Variants in HNRNPA2B1 observed in about 807,000 individuals in gnomAD.
HNRNPA2B1 encodes the protein heterogeneous nuclear ribonucleoprotein A2/B1.
A neutral mutation model predicts 46.3 loss-of-function variants in HNRNPA2B1; 3 were observed. That is an observed-to-expected ratio of 0.06 (90% confidence interval 0.03 to 0.17). HNRNPA2B1 has a LOEUF of 0.17. HNRNPA2B1 is among the 10% of genes least tolerant of loss of function. HNRNPA2B1 has a pLI of 1.00. For missense variants in HNRNPA2B1, 221 were observed against 418.9 expected (o/e 0.53, Z 4.12); for synonymous variants, 225 against 133.8 (o/e 1.68, Z -4.70).
At position 26,195,724 on chromosome 7, in the gene HNRNPA2B1, C is replaced by A. The variant is rs17796710; in HGVS notation, c.721+123G>T. The A allele has an allele frequency of 0.082, 88,613 of 1,077,822 alleles. 4,397 individuals are homozygous for A. The highest frequency in any genetic ancestry group is 0.19 in the South Asian group (11,624 of 60,352). The allele number at this position is 1,077,822 out of a possible 1,614,324, so 66.8% of individuals were successfully genotyped here. A position where few individuals can be genotyped will look rare whatever the true frequency, so the allele number is the denominator to read the frequency against. On this transcript the variant is annotated intron_variant, in intron 7 of 10. Coordinates refer to ENST00000618183, the MANE Select transcript of HNRNPA2B1 (RefSeq NM_002137.4). ...TACTTAGAAATAACTGGACCACTAT[C>A]ACCCAAGCCATTTATAGACACTAAT...
chr7:26,196,485 C>T lies in HNRNPA2B1; in HGVS notation c.578-4G>A. ...GAATCCCCAAAGCCAAAGTTGCCTA[C>T]AATAAATGCCCCAGTTAGAAGCAAG... On this transcript the variant is annotated splice_region_variant and splice_polypyrimidine_tract_variant and intron_variant, in intron 5 of 10. Coordinates refer to ENST00000618183, the MANE Select transcript of HNRNPA2B1 (RefSeq NM_002137.4). 6.2e-7 allele frequency: 1 copy of T among 1,614,080 alleles called. No homozygotes were observed. Among genetic ancestry groups the T allele is most frequent in the South Asian group, 1.1e-5 (1 of 91,080 alleles).
intron 1 of HNRNPA2B1, chr7:26,199,974 A>C (rs1411065984): frequency 6.5e-6 from 1 of 154,564 alleles, no homozygotes; most frequent in Non-Finnish European, 1.4e-5. Context: ...GACTCTAAAG[A>C]TCCAAGCTCA....
At chr7:26,198,019 ATTAT>A in intron 1 of HNRNPA2B1, 1 of 414,638 alleles carries the variant, frequency 2.4e-6, no homozygotes. Context: ...ATTATCTTAA[ATTAT>A]TAATTAAAAA....
At chr7:26,199,539 T>C (rs1047535106) in intron 1 of HNRNPA2B1, 2 of 152,230 alleles carry the variant, frequency 1.3e-5, no homozygotes, top group Non-Finnish European at 2.9e-5. Flanking sequence ...AGGGTTAAAC[T>C]TCTCAGTAAC....
chr7:26,200,637 G>A lies in HNRNPA2B1; in HGVS notation c.-60C>T, dbSNP rs1784328718. 1.2e-6 allele frequency: 2 copies of A among 1,611,480 alleles called. No individual in the cohort carries two copies. The highest frequency in any genetic ancestry group is 2.2e-5 in the East Asian group (1 of 44,874). ...GCCGAGCGAGATGAGAGAGATCTCC[G>A]CGGACGAACACGAACCGGACTCGTC... is the stretch of plus-strand genomic sequence containing the variant. On this transcript the variant is annotated 5_prime_UTR_variant, in exon 1 of 11. Transcript: ENST00000618183.
chr7:26,193,349 T>C lies in HNRNPA2B1; in HGVS notation c.866A>G (p.Asn289Ser), dbSNP rs911715553. The C allele has an allele frequency of 6.2e-6, 10 of 1,611,810 alleles. No individual in the cohort carries two copies. The Admixed American group carries it at 6.7e-5, about 11-fold the overall frequency. Residue 289 changes from asparagine to serine, a missense_variant, in exon 9 of 11, where the codon AAT becomes AGT. By Grantham distance (46) the Asn-to-Ser change is conservative. Transcript: ENST00000618183. ...TTGCTGGTTATAATTTCCAAAATCA[T>C]TGTAATTTCCACTTCCATAATTTCC... Reference protein sequence around the residue: ...GGGNYGSGNYNDFGNYNQQPS... With the variant: ...GGGNYGSGNYSDFGNYNQQPS...
At chr7:26,195,736 T>C in intron 7 of HNRNPA2B1, 111 bp downstream of exon 7, 1 of 1,231,480 alleles carries the variant, frequency 8.1e-7, no homozygotes, top group South Asian at 1.5e-5. Context: ...CCCAAGCCAT[T>C]TATAGACACT....
chr7:26,200,651 A>T lies in HNRNPA2B1; in HGVS notation c.-74T>A, dbSNP rs1784330175. On this transcript the variant is annotated 5_prime_UTR_variant, in exon 1 of 11. Coordinates refer to ENST00000618183, the MANE Select transcript of HNRNPA2B1 (RefSeq NM_002137.4). ...GAGAGATCTCCGCGGACGAACACGA[A>T]CCGGACTCGTCCTGGCGCTGTAGTG... 6.3e-7 allele frequency: 1 copy of T among 1,595,844 alleles called. No homozygotes were observed. The highest frequency in any genetic ancestry group is 8.6e-7 in the Non-Finnish European group (1 of 1,165,518).
intron 1 of HNRNPA2B1, chr7:26,200,328 T>C (rs967579064): frequency 1.8e-6 from 1 of 566,308 alleles, no homozygotes; most frequent in African/African-American, 1.9e-5. Flanking sequence ...GCGTCCGCCA[T>C]GTGAAAGCTC....
In HNRNPA2B1 at chr7:26,193,116, CT is replaced by C. The variant is rs1783100889; in HGVS notation, c.964+134del. ...TTCTGTGGAGATTTATGCAAAATTT[CT>C]TTATTTTCACTAAGACCGTACATGG... On this transcript the variant is annotated intron_variant, in intron 9 of 10. Coordinates refer to ENST00000618183, the MANE Select transcript of HNRNPA2B1 (RefSeq NM_002137.4). The C allele has an allele frequency of 3.6e-6, 3 of 830,514 alleles. No individual in the cohort carries two copies. The South Asian group carries it at 6.3e-5, about 18-fold the overall frequency. The allele number at this position is 830,514 out of a possible 1,614,324, so 51.4% of individuals were successfully genotyped here.
At chr7:26,198,705 G>A (rs1005929723) in intron 1 of HNRNPA2B1, 2 of 152,224 alleles carry the variant, frequency 1.3e-5, no homozygotes, top group Admixed American at 6.5e-5. Context: ...AAGGAAACCT[G>A]TCTTAAAAGT....
At position 26,191,954 on chromosome 7, in the gene HNRNPA2B1, C is replaced by T. The variant is rs969308297; in HGVS notation, c.*406G>A. 6.5e-6 allele frequency: 1 copy of T among 152,756 alleles called. No individual in the cohort carries two copies. The highest frequency in any genetic ancestry group is 3.4e-3 in the Middle Eastern group (1 of 294). The allele number at this position is 152,756 out of a possible 1,614,324, so 9.5% of individuals were successfully genotyped here. A position where few individuals can be genotyped will look rare whatever the true frequency, so the allele number is the denominator to read the frequency against. On this transcript the variant is annotated 3_prime_UTR_variant, in exon 11 of 11. Coordinates refer to ENST00000618183, the MANE Select transcript of HNRNPA2B1 (RefSeq NM_002137.4). ...ACGTTATGTCTTATTACACCATGAT[C>T]CTGGCTAATAGCTTTTCAAAACTTT...
At position 26,191,683 on chromosome 7, in the gene HNRNPA2B1, CTTAAG is replaced by C. The variant is rs1170653424; in HGVS notation, c.*672_*676del. 2.0e-5 allele frequency: 3 copies of C among 152,196 alleles called. No individual in the cohort carries two copies. The highest frequency in any genetic ancestry group is 4.4e-5 in the Non-Finnish European group (3 of 68,018). The allele number at this position is 152,196 out of a possible 1,614,324, so 9.4% of individuals were successfully genotyped here. On this transcript the variant is annotated 3_prime_UTR_variant, in exon 11 of 11. Transcript: ENST00000618183. ...GGTGTTTCTCCTTGCAGAGATATCCCTTAAGTTATCTACATAATTTAATCCTGATG... is the reference window on the plus strand; with the variant it reads ...GGTGTTTCTCCTTGCAGAGATATCCCTTATCTACATAATTTAATCCTGATG...
intron 9 of HNRNPA2B1, 107 bp from the exon 10 acceptor site, chr7:26,192,684 G>A (rs1226882721): frequency 1.1e-6 from 1 of 922,158 alleles, no homozygotes; most frequent in East Asian, 2.4e-5. Flanking sequence ...TTTTAAACAA[G>A]CAGATCCTAA....
intron 7 of HNRNPA2B1, 32 bp downstream of exon 7, chr7:26,195,815 A>T (rs1200842738): frequency 6.2e-7 from 1 of 1,605,272 alleles, no homozygotes. Context: ...TATTAGTCAC[A>T]TAAACAAACC....
Position 26,197,171 on chromosome 7 carries a change from A to C in HNRNPA2B1, c.264+144T>G. 4 of 1,183,506 alleles carry C rather than the reference A, an allele frequency of 3.4e-6. No individual in the cohort carries two copies. In the South Asian group the frequency reaches 6.0e-5, roughly 18 times the overall value. The allele number at this position is 1,183,506 out of a possible 1,614,324, so 73.3% of individuals were successfully genotyped here. Reference sequence around the variant, plus strand: ...GGACCTAGCTTTTGAAAAATAAGCTAGCTTAAGAAAATGGTCCAGAAACCC... The same window carrying C: ...GGACCTAGCTTTTGAAAAATAAGCTCGCTTAAGAAAATGGTCCAGAAACCC... On this transcript the variant is annotated intron_variant, in intron 3 of 10. Coordinates refer to ENST00000618183, the MANE Select transcript of HNRNPA2B1 (RefSeq NM_002137.4).
At chr7:26,193,523 C>T (rs1313543405) in intron 8 of HNRNPA2B1, 52 bp downstream of exon 8, 2 of 1,562,208 alleles carry the variant, frequency 1.3e-6, no homozygotes, top group South Asian at 2.4e-5. Context: ...TCAAGTGTTA[C>T]AAAGACATTA....
chr7:26,198,439 A>AGC (rs1378741927), intron 1 of HNRNPA2B1: 1 of 152,466 alleles, frequency 6.6e-6, no homozygotes, highest in Non-Finnish European at 1.5e-5. Context: ...AAAAAGTTTA[A>AGC]TTTTTGGTGG....
At chr7:26,197,881 A>G (rs1783823101) in intron 1 of HNRNPA2B1, 149 bp from the exon 2 acceptor site, 1 of 1,578,634 alleles carries the variant, frequency 6.3e-7, no homozygotes, top group South Asian at 1.2e-5. Context: ...GGGGAAAAAA[A>G]AAACTTACAT....
Sources: allele counts gnomAD v4.1 joint callset, GRCh38; gene constraint gnomAD v4.1.1; transcripts MANE v1.5; gene names NCBI Gene and HGNC (gene_info 2026-07-23, HGNC 2026-07-21).